CACNG8: variants seen among roughly 807,000 people sequenced by gnomAD.
CACNG8 encodes calcium voltage-gated channel auxiliary subunit gamma 8, also known as voltage-dependent calcium channel gamma-8 subunit.
A neutral mutation model predicts 26.9 loss-of-function variants in CACNG8; 5 were observed. The observed-to-expected ratio is 0.19, with a 90% CI of 0.10 to 0.39. CACNG8 has a LOEUF of 0.39. Among genes scored for constraint, CACNG8 ranks in the 10% least tolerant of loss-of-function variants. The pLI is 1.00. For missense variants in CACNG8, 473 were observed against 609.4 expected (o/e 0.78, Z 2.36); for synonymous variants, 321 against 296.7 (o/e 1.08, Z -0.84).
At position 53,984,458 on chromosome 19, in the gene CACNG8, C is replaced by G. The variant is rs957573094; in HGVS notation, c.*1609C>G. On this transcript the variant is annotated 3_prime_UTR_variant, in exon 4 of 4. Transcript: ENST00000270458. ...GGAGAATATGATGCCCATTCTGGGT[C>G]TTGAAGAAATGAGTGGGCATCTTCT... The G allele has an allele frequency of 6.6e-6, 1 of 152,238 alleles. No homozygotes were observed. The highest frequency in any genetic ancestry group is 1.5e-5 in the Non-Finnish European group (1 of 68,078). 9.4% of individuals were successfully genotyped at this position (152,238 alleles called of 1,614,324 possible). A position where few individuals can be genotyped will look rare whatever the true frequency, so the allele number is the denominator to read the frequency against.
intron 1 of CACNG8, among the ~76,000 whole-genome samples, chr19:53,969,983 T>A (rs940299864): frequency 6.7e-6 from 1 of 149,518 alleles, no homozygotes; most frequent in Non-Finnish European, 1.5e-5. Flanking sequence ...TATACAAAAA[T>A]ATTAGCCAGG....
At chr19:53,972,984 T>G (rs2069311413) in intron 1 of CACNG8, among the ~76,000 whole-genome samples, 1 of 152,182 alleles carries the variant, frequency 6.6e-6, no homozygotes, top group Non-Finnish European at 1.5e-5. Flanking sequence ...TTTCCTCATT[T>G]GTAAAGCAAG....
intron 1 of CACNG8, among the ~76,000 whole-genome samples, chr19:53,977,054 A>G (rs900699447): frequency 2.6e-5 from 4 of 152,230 alleles, no homozygotes; most frequent in African/African-American, 9.6e-5. Flanking sequence ...TCGGACTCCC[A>G]TGCCCTACCC....
intron 1 of CACNG8, among the ~76,000 whole-genome samples, chr19:53,973,489 C>G (rs1027451406): frequency 6.6e-6 from 1 of 151,978 alleles, no homozygotes. Flanking sequence ...TGCCAATGCA[C>G]TCCAGCCTGG....
chr19:53,970,006 C>T (rs917427886), intron 1 of CACNG8, among the ~76,000 whole-genome samples: 3 of 151,800 alleles, frequency 2.0e-5, no homozygotes, highest in Non-Finnish European at 4.4e-5. Flanking sequence ...TGGTGGCAAG[C>T]GCCTGTAACC....
At chr19:53,972,008 G>A (rs974153965) in intron 1 of CACNG8, among the ~76,000 whole-genome samples, 4 of 151,764 alleles carry the variant, frequency 2.6e-5, no homozygotes, top group African/African-American at 9.7e-5. Context: ...TTTTTCAGAC[G>A]GAGTCTCTCT....
rs2069392518 is a variant in CACNG8 at position 53,984,031 on chromosome 19, A to C, written c.*1182A>C. On this transcript the variant is annotated 3_prime_UTR_variant, in exon 4 of 4. Transcript: ENST00000270458. Reference sequence around the variant, plus strand: ...TCGGAGGCAAGAGTAGGAGGCAGAGATGTGCTGAAATACAGCATCAAACAT... The same window carrying C: ...TCGGAGGCAAGAGTAGGAGGCAGAGCTGTGCTGAAATACAGCATCAAACAT... 1 of 152,368 alleles carries C rather than the reference A, an allele frequency of 6.6e-6. No homozygotes were observed. Among genetic ancestry groups the C allele is most frequent in the Non-Finnish European group, 1.5e-5 (1 of 68,100 alleles). 9.4% of individuals were successfully genotyped at this position (152,368 alleles called of 1,614,324 possible). A position where few individuals can be genotyped will look rare whatever the true frequency, so the allele number is the denominator to read the frequency against.
chr19:53,976,777 G>C (rs375214506), intron 1 of CACNG8, among the ~76,000 whole-genome samples: 9 of 151,930 alleles, frequency 5.9e-5, no homozygotes, highest in African/African-American at 2.2e-4. Flanking sequence ...GGTTCAAGTG[G>C]TTCTCCTGCC....
Position 53,982,728 on chromosome 19 carries a change from G to A in CACNG8, c.1157G>A (p.Gly386Glu). ...GGCGGCGTCACGGTCACGGTCACCG[G>A]GCCGCCCGCCCCGCCCGCGCCCGCG... The change falls in exon 4 of 4, where the codon GGG (glycine) becomes GAG (glutamate). Residue 386 changes from glycine (G) to glutamate (E), a missense_variant. By Grantham distance (98) the Gly-to-Glu change is moderately conservative (BLOSUM62 -2). Coordinates refer to ENST00000270458, the MANE Select transcript of CACNG8 (RefSeq NM_031895.6). This position sits in a 1 kb window ranked among gnomAD's most constrained non-coding sequence, Gnocchi z 8.4. The A allele has an allele frequency of 8.5e-7, 1 of 1,182,272 alleles. No homozygotes were observed. Among genetic ancestry groups the A allele is most frequent in the Non-Finnish European group, 1.0e-6 (1 of 962,050 alleles). The allele number at this position is 1,182,272 out of a possible 1,614,324, so 73.2% of individuals were successfully genotyped here. A position where few individuals can be genotyped will look rare whatever the true frequency, so the allele number is the denominator to read the frequency against.
intron 1 of CACNG8, among the ~76,000 whole-genome samples, chr19:53,972,007 C>T (rs1300485496): frequency 1.3e-5 from 2 of 152,058 alleles, no homozygotes; most frequent in African/African-American, 2.4e-5. Flanking sequence ...TTTTTTCAGA[C>T]GGAGTCTCTC....
At chr19:53,964,944 TC>T (rs2069264038) in intron 1 of CACNG8, among the ~76,000 whole-genome samples, 1 of 152,112 alleles carries the variant, frequency 6.6e-6, no homozygotes, top group South Asian at 2.1e-4. Context: ...CTCTTTTTCA[TC>T]CCCCTCTATT....
chr19:53,978,305 G>C (rs1157022315), intron 2 of CACNG8, 76 bp downstream of exon 2: 62 of 1,169,358 alleles, frequency 5.3e-5, no homozygotes, highest in Non-Finnish European at 7.3e-5. Context: ...TGGGTGCCGG[G>C]AAAAGGCACT....
In CACNG8 at chr19:53,987,818, T is replaced by C. The variant is rs566488744; in HGVS notation, c.*4969T>C. On this transcript the variant is annotated 3_prime_UTR_variant, in exon 4 of 4. Transcript: ENST00000270458. ...CCAGTTGGATATGTGAGACTGGAGTTTGGGGGAAAGAGAGGCCGTGGCTCA... is the reference window on the plus strand; with the variant it reads ...CCAGTTGGATATGTGAGACTGGAGTCTGGGGGAAAGAGAGGCCGTGGCTCA... 21 of 151,710 alleles carry C rather than the reference T, an allele frequency of 1.4e-4. No homozygotes were observed. Among genetic ancestry groups the C allele is most frequent in the African/African-American group, 4.8e-4 (20 of 41,300 alleles). 9.4% of individuals were successfully genotyped at this position (151,710 alleles called of 1,614,324 possible).
At position 53,985,618 on chromosome 19, in the gene CACNG8, A is replaced by G. The variant is rs114245623; in HGVS notation, c.*2769A>G. ...AGCACTTTGGGAGACTGAGGCAGGCAGATTGAGCTCAGGAGTTCCAGACCA... is the reference window on the plus strand; with the variant it reads ...AGCACTTTGGGAGACTGAGGCAGGCGGATTGAGCTCAGGAGTTCCAGACCA... On this transcript the variant is annotated 3_prime_UTR_variant, in exon 4 of 4. Coordinates refer to ENST00000270458, the MANE Select transcript of CACNG8 (RefSeq NM_031895.6). 0.076 allele frequency: 11,527 copies of G among 152,122 alleles called. 485 individuals carry two copies. The highest frequency in any genetic ancestry group is 0.095 in the African/African-American group (3,943 of 41,504). 9.4% of individuals were successfully genotyped at this position (152,122 alleles called of 1,614,324 possible). A position where few individuals can be genotyped will look rare whatever the true frequency, so the allele number is the denominator to read the frequency against.
chr19:53,965,797 G>T (rs10420324), intron 1 of CACNG8, among the ~76,000 whole-genome samples: 79,721 of 150,574 alleles, frequency 0.53, 22,815 homozygotes, highest in African/African-American at 0.76. Flanking sequence ...GGATGGGAGG[G>T]GTCAGGGATC....
intron 3 of CACNG8, among the ~76,000 whole-genome samples, chr19:53,980,911 G>A (rs1311642514): frequency 6.6e-6 from 1 of 152,200 alleles, no homozygotes; most frequent in Non-Finnish European, 1.5e-5. Context: ...TGAAGAGCAG[G>A]GTGTGCTTTG....
rs995778686 is a variant in CACNG8, at chr19:53,983,630, A to G, written c.*781A>G. The G allele has an allele frequency of 6.6e-6, 1 of 152,258 alleles. No individual in the cohort carries two copies. Among genetic ancestry groups the G allele is most frequent in the African/African-American group, 2.4e-5 (1 of 41,448 alleles). The allele number at this position is 152,258 out of a possible 1,614,324, so 9.4% of individuals were successfully genotyped here. A position where few individuals can be genotyped will look rare whatever the true frequency, so the allele number is the denominator to read the frequency against. ...TAATCGATCATGTACATACACAATA[A>G]ATTACAGTTAGGCTATAGGAGAAAC... On this transcript the variant is annotated 3_prime_UTR_variant, in exon 4 of 4. Coordinates refer to ENST00000270458, the MANE Select transcript of CACNG8 (RefSeq NM_031895.6).
chr19:53,982,406 C>T lies in CACNG8; in HGVS notation c.835C>T (p.Arg279Cys), dbSNP rs753906301. The T allele has an allele frequency of 6.6e-7, 1 of 1,523,468 alleles. No homozygotes were observed. The highest frequency in any genetic ancestry group is 1.2e-5 in the South Asian group (1 of 82,516). 94.4% of individuals were successfully genotyped at this position (1,523,468 alleles called of 1,614,324 possible). A position where few individuals can be genotyped will look rare whatever the true frequency, so the allele number is the denominator to read the frequency against. ...CCGCCGCCGCTCCCGCTCTAGCTCC[C>T]GCTCCAGCGAGCCGTCGCCGTCGCG... Residue 279 changes from arginine (R) to cysteine (C), a missense_variant, in exon 4 of 4, where the codon CGC becomes TGC. Physicochemically the swap from Arg to Cys is radical, Grantham distance 180. This residue lies in a region of CACNG8 where 212 missense variants were observed against 214.4 expected (regional missense o/e 0.99). Coordinates refer to ENST00000270458, the MANE Select transcript of CACNG8 (RefSeq NM_031895.6). The surrounding 1 kb of genome is among the most constrained non-coding windows in gnomAD (Gnocchi z 8.4).
At chr19:53,974,203 C>T (rs2069318022) in intron 1 of CACNG8, among the ~76,000 whole-genome samples, 2 of 152,258 alleles carry the variant, frequency 1.3e-5, no homozygotes, top group Non-Finnish European at 1.5e-5. Context: ...TGGAATGACA[C>T]AGTATTTGTC....
Sources: gnomAD v4.1 joint callset for allele counts (sites outside exome capture counted in the v4.1 genomes callset) on GRCh38, gnomAD v4.1.1 for gene constraint, gnomAD v4.1.1 regional missense constraint, Gnocchi (gnomAD v3.1) non-coding constraint, MANE v1.5 for transcripts, NCBI Gene and HGNC (gene_info 2026-07-23, HGNC 2026-07-21) for gene names.